WDR12: variants seen among roughly 807,000 people sequenced by gnomAD.
WDR12 encodes the protein ribosome biogenesis protein WDR12.
Under a neutral mutation model 64.3 loss-of-function variants are expected in WDR12, and 42 were observed. The ratio of observed to expected loss-of-function variants is 0.65; its 90% confidence interval spans 0.51 to 0.84. The LOEUF is 0.84. Among genes scored for constraint, WDR12 ranks in the 40% least tolerant of loss-of-function variants. WDR12 has a pLI of 0.00. For missense variants in WDR12, 469 were observed against 494.6 expected (o/e 0.95, Z 0.49); for synonymous variants, 158 against 173.3 (o/e 0.91, Z 0.70).
intron 4 of WDR12, 63 bp from the exon 5 acceptor site, chr2:202,897,478 T>C: frequency 1.1e-6 from 1 of 872,486 alleles, no homozygotes; most frequent in Non-Finnish European, 1.7e-6. Context: ...GAAATGTTTC[T>C]TTGGCAATGA....
chr2:202,893,193 A>G (rs7560547), intron 7 of WDR12, among the ~76,000 whole-genome samples: 13,518 of 152,090 alleles, frequency 0.089, 733 homozygotes, highest in Non-Finnish European at 0.12. Context: ...CACTTGGTTA[A>G]GCAGCAAACC....
In WDR12 at chr2:202,880,547, CA is replaced by C. The variant is rs1225171878; in HGVS notation, c.*312del. The C allele has an allele frequency of 0.14, 14,444 of 102,630 alleles. 613 individuals are homozygous for C. The highest frequency in any genetic ancestry group is 0.18 in the Non-Finnish European group (9,368 of 52,248). The allele number at this position is 102,630 out of a possible 1,614,324, so 6.4% of individuals were successfully genotyped here. On this transcript the variant is annotated 3_prime_UTR_variant, in exon 13 of 13. Transcript: ENST00000261015. ...TAGGCAACAGAGCAAGACTCCATCT[CA>C]AAAAAAAAAAAAACAAATAAAAATA...
chr2:202,902,177 C>T (rs1688360773), intron 2 of WDR12, among the ~76,000 whole-genome samples: 2 of 152,152 alleles, frequency 1.3e-5, no homozygotes, highest in East Asian at 1.9e-4. Context: ...GGGTAACATA[C>T]TGGAATTGCA....
chr2:202,881,899 A>T (rs528522532), intron 12 of WDR12, among the ~76,000 whole-genome samples: 1 of 151,368 alleles, frequency 6.6e-6, no homozygotes, highest in Non-Finnish European at 1.5e-5. Flanking sequence ...TACTCACAAG[A>T]AAAAAAAATG....
At chr2:202,902,463 A>G (rs759953320) in intron 2 of WDR12, among the ~76,000 whole-genome samples, 1 of 152,152 alleles carries the variant, frequency 6.6e-6, no homozygotes, top group Non-Finnish European at 1.5e-5. Context: ...AGGCAGACCT[A>G]CCCTCTATCT....
intron 5 of WDR12, 82 bp from the exon 6 acceptor site, chr2:202,896,301 A>T (rs1362010580): frequency 3.5e-6 from 5 of 1,426,420 alleles, no homozygotes; most frequent in Non-Finnish European, 4.6e-6. Flanking sequence ...AAAGAACTAA[A>T]TTTTTTTGTT....
intron 1 of WDR12, among the ~76,000 whole-genome samples, chr2:202,910,683 G>C (rs1271054357): frequency 6.6e-6 from 1 of 152,164 alleles, no homozygotes; most frequent in Non-Finnish European, 1.5e-5. Flanking sequence ...ATGTAAGTAA[G>C]TACATATACT....
At chr2:202,891,660 A>G (rs139602578) in intron 8 of WDR12, among the ~76,000 whole-genome samples, 65 of 152,332 alleles carry the variant, frequency 4.3e-4, no homozygotes, top group African/African-American at 1.5e-3. Context: ...TTTACAAGAT[A>G]TTTTATTGGT....
At chr2:202,888,234 C>T (rs1019745719) in intron 8 of WDR12, among the ~76,000 whole-genome samples, 10 of 152,108 alleles carry the variant, frequency 6.6e-5, no homozygotes, top group Non-Finnish European at 1.2e-4. Context: ...TGTGTGACTG[C>T]ACTTATATGA....
chr2:202,888,349 T>C (rs7582720), intron 8 of WDR12, among the ~76,000 whole-genome samples: 13,546 of 152,282 alleles, frequency 0.089, 742 homozygotes, highest in Non-Finnish European at 0.12. Context: ...TCAGGAATGA[T>C]GGACTGTTCT....
chr2:202,895,479 G>A lies in WDR12; in HGVS notation c.609+586C>T, dbSNP rs566595373. ...TATGTCAATTACTATGAGGTAAGAAGGTTATATAAATGAATGGCTTGTTTA... is the reference window on the plus strand; with the variant it reads ...TATGTCAATTACTATGAGGTAAGAAAGTTATATAAATGAATGGCTTGTTTA... On this transcript the variant is annotated intron_variant, in intron 6 of 12. Transcript: ENST00000261015. Among the ~76,000 whole-genome samples, 8 of 151,340 alleles carry A rather than the reference G, an allele frequency of 5.3e-5. 1 individual carries two copies. The highest frequency in any genetic ancestry group is 1.7e-4 in the African/African-American group (7 of 41,314).
chr2:202,901,219 A>G, intron 2 of WDR12, 100 bp from the exon 3 acceptor site: 1 of 690,786 alleles, frequency 1.4e-6, no homozygotes. Context: ...CTATTATCCC[A>G]GTGTGGCCTG....
chr2:202,898,812 G>A (rs1284176709), intron 4 of WDR12, among the ~76,000 whole-genome samples: 3 of 151,822 alleles, frequency 2.0e-5, no homozygotes, highest in African/African-American at 4.8e-5. Flanking sequence ...AATGCTCTAA[G>A]ATACATGACT....
At chr2:202,890,368 T>C (rs1688133252) in intron 8 of WDR12, among the ~76,000 whole-genome samples, 1 of 152,222 alleles carries the variant, frequency 6.6e-6, no homozygotes, top group African/African-American at 2.4e-5. Flanking sequence ...AGTGATTACC[T>C]TTAGGGAGCT....
At chr2:202,881,551 C>A (rs375519421) in intron 12 of WDR12, among the ~76,000 whole-genome samples, 2 of 152,058 alleles carry the variant, frequency 1.3e-5, no homozygotes, top group Non-Finnish European at 2.9e-5. Flanking sequence ...GAGGCTGAGG[C>A]GGGAGAACTG....
intron 12 of WDR12, among the ~76,000 whole-genome samples, chr2:202,882,094 CTAAT>C (rs1365039508): frequency 1.3e-5 from 2 of 151,882 alleles, no homozygotes; most frequent in African/African-American, 4.8e-5. Context: ...CCATGGATAA[CTAAT>C]TTTTTAATTT....
At chr2:202,897,822 G>C (rs368950047) in intron 4 of WDR12, among the ~76,000 whole-genome samples, 1 of 143,178 alleles carries the variant, frequency 7.0e-6, no homozygotes, top group African/African-American at 2.6e-5. Flanking sequence ...CCAGGAGGCA[G>C]AGCTTGCAGT....
intron 1 of WDR12, among the ~76,000 whole-genome samples, chr2:202,910,517 T>C (rs1004200372): frequency 2.0e-5 from 3 of 152,118 alleles, no homozygotes; most frequent in African/African-American, 7.2e-5. Context: ...AGTGAGACTC[T>C]GTCTCCAAAA....
rs147165380 is a variant in WDR12 at position 202,899,614 on chromosome 2, G to A, written c.255C>T (p.Tyr85=). ...GCTGGGGTGCAGTATACTTCTCCAC[G>A]TATTCTATTTCCACAACTTCTTCCT... ...ISSEEVVEIE[Y]VEKYTAPQPE... is the part of the protein sequence containing the mutation. Residue 85 remains tyrosine, a synonymous_variant, in exon 4 of 13, where the codon TAC becomes TAT. Transcript: ENST00000261015. The A allele has an allele frequency of 1.1e-4, 176 of 1,613,918 alleles. No individual in the cohort carries two copies. In the East Asian group the frequency reaches 1.3e-3, roughly 12 times the overall value.
Sources: allele counts gnomAD v4.1 joint callset (sites outside exome capture counted in the v4.1 genomes callset), GRCh38; gene constraint gnomAD v4.1.1; transcripts MANE v1.5; gene names NCBI Gene and HGNC (gene_info 2026-07-23, HGNC 2026-07-21).